The following CORO1C variants were observed in gnomAD, a reference collection of about 807,000 sequenced individuals.
CORO1C encodes coronin-1C.
Under a neutral mutation model 51.2 loss-of-function variants are expected in CORO1C, and 14 were observed. The observed-to-expected ratio is 0.27, with a 90% CI of 0.18 to 0.43. CORO1C has a LOEUF of 0.43. CORO1C is among the 20% of genes least tolerant of loss of function. The pLI is 1.00. For synonymous variants in CORO1C, 181 were observed against 210.5 expected (o/e 0.86, Z 1.21); for missense variants, 417 against 607.8 (o/e 0.69, Z 3.30).
intron 3 of CORO1C, among the ~76,000 whole-genome samples, chr12:108,663,626 T>C (rs576027777): frequency 6.6e-6 from 1 of 152,274 alleles, no homozygotes; most frequent in South Asian, 2.1e-4. Flanking sequence ...ATGTCCAGAA[T>C]AGGCAAATCC....
chr12:108,664,321 A>G (rs2136816283), intron 3 of CORO1C, among the ~76,000 whole-genome samples: 1 of 152,336 alleles, frequency 6.6e-6, no homozygotes, highest in Non-Finnish European at 1.5e-5. Flanking sequence ...GTCTGTTTTC[A>G]ATTGCTTAGT....
chr12:108,715,433 G>T (rs945963190), intron 1 of CORO1C, among the ~76,000 whole-genome samples: 17 of 152,080 alleles, frequency 1.1e-4, no homozygotes, highest in African/African-American at 3.9e-4. Context: ...GCTCTTCAAT[G>T]ACAGAAATAT....
chr12:108,652,188 A>T (rs757835394), intron 8 of CORO1C, 84 bp downstream of exon 8: 17 of 1,286,780 alleles, frequency 1.3e-5, no homozygotes, highest in Admixed American at 6.2e-5. Flanking sequence ...TATTTTTGAG[A>T]TCTGAAGTAT....
chr12:108,683,750 C>CCAAT (rs201743627), intron 2 of CORO1C, among the ~76,000 whole-genome samples: 2,100 of 152,120 alleles, frequency 0.014, 20 homozygotes, highest in Non-Finnish European at 0.022. Context: ...TCACCACCTC[C>CCAAT]CAATCAATCA....
intron 3 of CORO1C, among the ~76,000 whole-genome samples, chr12:108,664,179 C>G (rs923595981): frequency 3.9e-5 from 6 of 152,116 alleles, no homozygotes; most frequent in Admixed American, 6.5e-5. Context: ...AATTTACCAT[C>G]AGAAAATGAT....
chr12:108,726,249 C>G (rs1412391806), intron 1 of CORO1C, among the ~76,000 whole-genome samples: 1 of 151,936 alleles, frequency 6.6e-6, no homozygotes, highest in East Asian at 1.9e-4. Context: ...AATCCCATCT[C>G]TACTAAAAAA....
chr12:108,715,161 G>T (rs572160471), intron 1 of CORO1C, among the ~76,000 whole-genome samples: 1 of 152,072 alleles, frequency 6.6e-6, no homozygotes, highest in Admixed American at 6.6e-5. Flanking sequence ...TTGAGCCCAG[G>T]AGTCTGAGGC....
At chr12:108,715,992 G>A (rs921107119) in intron 1 of CORO1C, among the ~76,000 whole-genome samples, 1 of 151,578 alleles carries the variant, frequency 6.6e-6, no homozygotes, top group Non-Finnish European at 1.5e-5. Context: ...TTGGCCAGGC[G>A]TGGTGGCACG....
At chr12:108,688,081 G>A (rs907248121) in intron 2 of CORO1C, among the ~76,000 whole-genome samples, 11 of 151,784 alleles carry the variant, frequency 7.2e-5, no homozygotes, top group African/African-American at 2.4e-4. Flanking sequence ...ACGCCACCAC[G>A]TCCAGCTAAT....
intron 6 of CORO1C, among the ~76,000 whole-genome samples, chr12:108,655,359 T>TC (rs1273595004): frequency 7.1e-6 from 1 of 140,616 alleles, no homozygotes; most frequent in African/African-American, 2.6e-5. Flanking sequence ...CCTCTCCCCT[T>TC]CCCCCTCCCC....
rs536008885 is a variant in CORO1C at position 108,662,057 on chromosome 12, T to C, written c.420A>G (p.Pro140=). 77 of 1,614,162 alleles carry C rather than the reference T, an allele frequency of 4.8e-5. No homozygotes were observed. In the South Asian group the frequency reaches 8.2e-4, roughly 17 times the overall value. ...CACTAAGAAGCACATTGCGGGCCGT[T>C]GGATGCCAAGCCACGATGCCGACTC... ...SKRVGIVAWH[P]TARNVLLSAG... Residue 140 remains proline, a synonymous_variant, in exon 4 of 11, where the codon CCA becomes CCG. Transcript: ENST00000261401.
Position 108,680,620 on chromosome 12 carries a change from A to C in CORO1C, c.196-2226T>G, listed in dbSNP as rs76904670. ...CCTCATCTATAAAACTAGAATGTTT[A>C]ACAGTTTATTCCTTAAGAGCTGATG... is the stretch of plus-strand genomic sequence containing the variant. On this transcript the variant is annotated intron_variant, in intron 2 of 10. Coordinates refer to ENST00000261401, the MANE Select transcript of CORO1C (RefSeq NM_014325.4). 4.0e-3 allele frequency among the ~76,000 whole-genome samples: 605 copies of C among 152,344 alleles called. 2 individuals carry two copies. The highest frequency in any genetic ancestry group is 7.2e-3 in the Admixed American group (110 of 15,306).
intron 2 of CORO1C, among the ~76,000 whole-genome samples, chr12:108,696,849 G>C (rs1345771038): frequency 1.3e-5 from 2 of 152,160 alleles, no homozygotes; most frequent in Non-Finnish European, 2.9e-5. Flanking sequence ...CAGGACTGAG[G>C]ACTTTCTATA....
At chr12:108,696,495 A>T (rs1365360283) in intron 2 of CORO1C, 3 of 152,100 alleles carry the variant, frequency 2.0e-5, no homozygotes, top group Non-Finnish European at 2.9e-5. Flanking sequence ...ATAGGGAGGG[A>T]ATGTCTCAGT....
At chr12:108,671,263 G>A (rs901135998) in intron 3 of CORO1C, among the ~76,000 whole-genome samples, 2 of 151,884 alleles carry the variant, frequency 1.3e-5, no homozygotes, top group African/African-American at 2.4e-5. Context: ...TTGGGCCCAG[G>A]AGGTCAAGGC....
At chr12:108,717,212 CAA>C (rs1416516366) in intron 1 of CORO1C, among the ~76,000 whole-genome samples, 3 of 152,156 alleles carry the variant, frequency 2.0e-5, no homozygotes, top group Non-Finnish European at 4.4e-5. Flanking sequence ...AACAAAATAT[CAA>C]AAGTCTGTAT....
chr12:108,666,427 T>C (rs1175979565), intron 3 of CORO1C, among the ~76,000 whole-genome samples: 1 of 152,102 alleles, frequency 6.6e-6, no homozygotes, highest in South Asian at 2.1e-4. Context: ...TGGAAAGAGC[T>C]TGGGGGTTGG....
chr12:108,728,827 GACAT>G (rs2035650158), intron 1 of CORO1C, among the ~76,000 whole-genome samples: 1 of 152,066 alleles, frequency 6.6e-6, no homozygotes, highest in African/African-American at 2.4e-5. Context: ...AGTTTAAAAA[GACAT>G]ACAAGTGTCA....
At chr12:108,650,543 G>C (rs995974855) in intron 8 of CORO1C, among the ~76,000 whole-genome samples, 1 of 152,146 alleles carries the variant, frequency 6.6e-6, no homozygotes, top group African/African-American at 2.4e-5. Flanking sequence ...TAAAAAGACT[G>C]ACTTGGCTTT....
Sources: allele counts gnomAD v4.1 joint callset (sites outside exome capture counted in the v4.1 genomes callset), GRCh38; gene constraint gnomAD v4.1.1; transcripts MANE v1.5; gene names NCBI Gene and HGNC (gene_info 2026-07-23, HGNC 2026-07-21).